The following SH3PXD2B variants were observed in gnomAD, a reference collection of about 807,000 sequenced individuals.
The protein encoded by SH3PXD2B is SH3 and PX domain-containing protein 2B.
A neutral mutation model predicts 73.1 loss-of-function variants in SH3PXD2B; 37 were observed. The observed-to-expected ratio is 0.51, with a 90% CI of 0.39 to 0.67. The LOEUF (loss-of-function observed/expected upper bound fraction) is 0.67. Among genes scored for constraint, SH3PXD2B ranks in the 30% least tolerant of loss-of-function variants. The pLI, the probability that SH3PXD2B is intolerant of heterozygous loss-of-function variation, is 0.00. For missense variants in SH3PXD2B, 1,053 were observed against 1,197.8 expected (o/e 0.88, Z 1.78); for synonymous variants, 457 against 480.5 (o/e 0.95, Z 0.64).
At chr5:172,358,668 G>A (rs1245312255) in intron 8 of SH3PXD2B, 105 bp downstream of exon 8, 15 of 1,031,462 alleles carry the variant, frequency 1.5e-5, no homozygotes, top group East Asian at 5.3e-5. Context: ...CTGCTGAGAC[G>A]CAGAGGCAGA....
rs564839957 is a variant in SH3PXD2B, at chr5:172,353,662, G to C, written c.785+226C>G. 1.8e-4 allele frequency among the ~76,000 whole-genome samples: 27 copies of C among 152,328 alleles called. No homozygotes were observed. The South Asian group carries it at 5.6e-3, about 32-fold the overall frequency. ...TGGGGTTGCTGCTATCTGTGGTTCA[G>C]TGTGTTTGGAGAAAGTTTTGCTTAT... On this transcript the variant is annotated intron_variant, in intron 9 of 12. Transcript: ENST00000311601. This position sits in a 1 kb window ranked among gnomAD's most constrained non-coding sequence, Gnocchi z 4.3.
chr5:172,416,559 C>T (rs1368812718), intron 2 of SH3PXD2B, among the ~76,000 whole-genome samples: 12 of 150,828 alleles, frequency 8.0e-5, no homozygotes, highest in African/African-American at 2.4e-4. Context: ...AACTCCTGAC[C>T]TTGTGATCCG....
At chr5:172,450,014 A>G (rs1431839329) in intron 1 of SH3PXD2B, among the ~76,000 whole-genome samples, 1 of 152,236 alleles carries the variant, frequency 6.6e-6, no homozygotes, top group Non-Finnish European at 1.5e-5. Context: ...AGGGAATGTT[A>G]AAAAGGGAAA....
At chr5:172,359,551 G>A (rs115502530) in intron 7 of SH3PXD2B, among the ~76,000 whole-genome samples, 265 of 152,236 alleles carry the variant, frequency 1.7e-3, no homozygotes, top group African/African-American at 5.9e-3. Context: ...CCAAGTTCAC[G>A]TGGCTGCGGT....
rs1262636786 is a variant in SH3PXD2B at position 172,366,932 on chromosome 5, A to ATTTTTTTTT, written c.428-4072_428-4064dup. ...TAGGTGTGAGCCATCGTGCCCGGCCATTTTTTTTTTTTTTTTTTTTTGGGG... is the reference window on the plus strand; with the variant it reads ...TAGGTGTGAGCCATCGTGCCCGGCCATTTTTTTTTTTTTTTTTTTTTTTTTTTTTTGGGG... On this transcript the variant is annotated intron_variant, in intron 6 of 12. Transcript: ENST00000311601. 3.8e-3 allele frequency among the ~76,000 whole-genome samples: 287 copies of ATTTTTTTTT among 75,058 alleles called. 30 individuals carry two copies. The East Asian group carries it at 0.046, about 12-fold the overall frequency. The allele number at this position is 75,058 out of a possible 152,430, so 49.2% of individuals were successfully genotyped here.
At chr5:172,417,996 T>C (rs964597778) in intron 2 of SH3PXD2B, among the ~76,000 whole-genome samples, 3 of 152,226 alleles carry the variant, frequency 2.0e-5, no homozygotes, top group African/African-American at 7.2e-5. Context: ...TTTCTGTCTA[T>C]GAATCTGCCT....
intron 11 of SH3PXD2B, among the ~76,000 whole-genome samples, chr5:172,346,847 A>C (rs1246030867): frequency 1.3e-5 from 2 of 152,216 alleles, no homozygotes; most frequent in Non-Finnish European, 2.9e-5. Context: ...AAAAAACCCC[A>C]AAACCCAACA....
chr5:172,382,482 A>G (rs2113373763), intron 4 of SH3PXD2B, among the ~76,000 whole-genome samples: 1 of 151,828 alleles, frequency 6.6e-6, no homozygotes, highest in East Asian at 1.9e-4. Flanking sequence ...TTTCTGATCC[A>G]GTAGTTCTGC....
At chr5:172,332,163 C>T (rs1434466876), downstream of SH3PXD2B, among the ~76,000 whole-genome samples, 3 of 152,100 alleles carry the variant, frequency 2.0e-5, no homozygotes, top group Non-Finnish European at 4.4e-5. Flanking sequence ...CATACCATTG[C>T]CAGTCCTGTT....
In SH3PXD2B at chr5:172,454,343, G is replaced by T; in HGVS notation, c.10C>A (p.Arg4=). MPP[R]RSIVEVKVLD... is the part of the protein sequence containing the mutation. Reference sequence around the variant, plus strand: ...ACCTTCACCTCCACGATGCTGCGCCGCGGCGGCATGGCCGCTCCTCCGCCC... The same window carrying T: ...ACCTTCACCTCCACGATGCTGCGCCTCGGCGGCATGGCCGCTCCTCCGCCC... The change falls in exon 1 of 13, where the codon CGG becomes AGG. Residue 4 remains arginine (R), a synonymous_variant. Transcript: ENST00000311601. The T allele has an allele frequency of 6.5e-7, 1 of 1,528,336 alleles. No individual in the cohort carries two copies. Among genetic ancestry groups the T allele is most frequent in the Non-Finnish European group, 8.8e-7 (1 of 1,140,850 alleles). The allele number at this position is 1,528,336 out of a possible 1,614,324, so 94.7% of individuals were successfully genotyped here. A position where few individuals can be genotyped will look rare whatever the true frequency, so the allele number is the denominator to read the frequency against.
At chr5:172,388,258 C>G (rs1758099354) in intron 4 of SH3PXD2B, among the ~76,000 whole-genome samples, 1 of 152,194 alleles carries the variant, frequency 6.6e-6, no homozygotes, top group East Asian at 1.9e-4. Context: ...TCTCATCTAT[C>G]TCTATTAGAG....
At chr5:172,430,175 G>C (rs1759200440) in intron 1 of SH3PXD2B, among the ~76,000 whole-genome samples, 1 of 152,216 alleles carries the variant, frequency 6.6e-6, no homozygotes, top group Admixed American at 6.5e-5. Flanking sequence ...TCCATAAAGA[G>C]AAACTGTCAG....
At position 172,419,265 on chromosome 5, in the gene SH3PXD2B, C is replaced by T. The variant is rs571421614; in HGVS notation, c.156+3151G>A. ...GTCCACCTTGCACAGGGCCTGGACG[C>T]GTGCCTCGACATGTCAGCAATGAAC... On this transcript the variant is annotated intron_variant, in intron 2 of 12. Transcript: ENST00000311601. Among the ~76,000 whole-genome samples, 56 of 152,176 alleles carry T rather than the reference C, an allele frequency of 3.7e-4. 1 individual carries two copies. In the South Asian group the frequency reaches 0.011, roughly 29 times the overall value.
chr5:172,418,457 G>C (rs1002914420), intron 2 of SH3PXD2B, among the ~76,000 whole-genome samples: 1 of 152,162 alleles, frequency 6.6e-6, no homozygotes, highest in East Asian at 1.9e-4. Flanking sequence ...TGGCCTTGCT[G>C]CTCCTCCACC....
At chr5:172,380,785 C>A (rs1757925703) in intron 5 of SH3PXD2B, among the ~76,000 whole-genome samples, 1 of 152,232 alleles carries the variant, frequency 6.6e-6, no homozygotes, top group South Asian at 2.1e-4. Flanking sequence ...ACTCCAAAAC[C>A]ACGCACTTCT....
intron 4 of SH3PXD2B, among the ~76,000 whole-genome samples, chr5:172,393,275 G>T (rs1404456382): frequency 1.3e-5 from 2 of 152,066 alleles, no homozygotes; most frequent in African/African-American, 2.4e-5. Flanking sequence ...CACTTCTTTT[G>T]TTAAATTTAT....
intron 3 of SH3PXD2B, among the ~76,000 whole-genome samples, chr5:172,395,828 G>C (rs937097903): frequency 3.9e-5 from 6 of 152,082 alleles, no homozygotes; most frequent in Non-Finnish European, 8.8e-5. Flanking sequence ...GGTATCTATG[G>C]GTAGGTCAAG....
At chr5:172,357,706 C>G (rs1367827366) in intron 8 of SH3PXD2B, among the ~76,000 whole-genome samples, 1 of 152,162 alleles carries the variant, frequency 6.6e-6, no homozygotes, top group Non-Finnish European at 1.5e-5. Flanking sequence ...TGTGTTACCC[C>G]CCACAGTGCC....
intron 3 of SH3PXD2B, among the ~76,000 whole-genome samples, chr5:172,404,828 C>G (rs1581313208): frequency 6.6e-6 from 1 of 152,156 alleles, no homozygotes; most frequent in African/African-American, 2.4e-5. Flanking sequence ...GGGGGGCATG[C>G]TGGGATTGGA....
Sources: gnomAD v4.1 joint callset for allele counts (sites outside exome capture counted in the v4.1 genomes callset) on GRCh38, gnomAD v4.1.1 for gene constraint, Gnocchi (gnomAD v3.1) non-coding constraint, MANE v1.5 for transcripts, NCBI Gene and HGNC (gene_info 2026-07-23, HGNC 2026-07-21) for gene names.